The following KCNMA1 variants were observed in gnomAD, a reference collection of about 807,000 sequenced individuals.
KCNMA1 encodes the protein Calcium-activated potassium channel subunit alpha-1.
In KCNMA1, 29 loss-of-function variants were observed where a neutral mutation model predicts 140.0. The observed-to-expected ratio is 0.21, with a 90% CI of 0.15 to 0.28. KCNMA1 has a LOEUF of 0.28. KCNMA1 is among the 10% of genes least tolerant of loss of function. The pLI, the probability that KCNMA1 is intolerant of heterozygous loss-of-function variation, is 1.00. For synonymous variants in KCNMA1, 612 were observed against 611.9 expected (o/e 1.00, Z 0.00); for missense variants, 880 against 1,602.2 (o/e 0.55, Z 7.70).
At chr10:77,298,738 G>T (rs1274540465) in intron 2 of KCNMA1, among the ~76,000 whole-genome samples, 1 of 152,176 alleles carries the variant, frequency 6.6e-6, no homozygotes, top group Non-Finnish European at 1.5e-5. Flanking sequence ...ACACCAGCAA[G>T]TCCAGAGAGA....
chr10:77,593,467 A>G (rs915630500), intron 1 of KCNMA1, among the ~76,000 whole-genome samples: 1 of 152,272 alleles, frequency 6.6e-6, no homozygotes, highest in African/African-American at 2.4e-5. Context: ...TAGTAATGGT[A>G]GCAGTGATGA....
chr10:77,518,000 T>C (rs987791787), intron 1 of KCNMA1, among the ~76,000 whole-genome samples: 4 of 152,064 alleles, frequency 2.6e-5, no homozygotes, highest in Non-Finnish European at 4.4e-5. Context: ...CCAAGGAAAC[T>C]CTCCAGCAGC....
intron 3 of KCNMA1, among the ~76,000 whole-genome samples, chr10:77,240,753 C>G (rs1201575660): frequency 6.6e-6 from 1 of 152,220 alleles, no homozygotes; most frequent in East Asian, 1.9e-4. Context: ...GAAGCCACTT[C>G]AGGTGAGGCT....
chr10:77,047,588 CTTTT>C (rs11304136), intron 14 of KCNMA1, among the ~76,000 whole-genome samples: 3 of 137,402 alleles, frequency 2.2e-5, no homozygotes, highest in Admixed American at 7.3e-5. Context: ...GGAAACTGGT[CTTTT>C]TTTTTTTTTT....
intron 23 of KCNMA1, among the ~76,000 whole-genome samples, chr10:76,941,130 GA>G (rs1226376267): frequency 4.2e-5 from 3 of 70,888 alleles, no homozygotes; most frequent in African/African-American, 9.5e-5. Flanking sequence ...GAAGGGAAGG[GA>G]AGGGAAGGGA....
At chr10:77,314,660 T>C (rs973881936) in intron 2 of KCNMA1, among the ~76,000 whole-genome samples, 1 of 152,046 alleles carries the variant, frequency 6.6e-6, no homozygotes, top group East Asian at 1.9e-4. Flanking sequence ...GACCATCACA[T>C]TTGAGTCTGG....
chr10:77,210,080 T>A (rs926300629), intron 3 of KCNMA1, among the ~76,000 whole-genome samples: 1 of 152,154 alleles, frequency 6.6e-6, no homozygotes, highest in Non-Finnish European at 1.5e-5. Flanking sequence ...AGCATCATCT[T>A]TATACCAGAA....
At chr10:77,501,600 C>T (rs1041469819) in intron 1 of KCNMA1, among the ~76,000 whole-genome samples, 1 of 152,232 alleles carries the variant, frequency 6.6e-6, no homozygotes, top group Non-Finnish European at 1.5e-5. Context: ...ATCCCTGCCC[C>T]CCAGCCTGAT....
chr10:76,890,300 C>T (rs1246326664), intron 26 of KCNMA1, among the ~76,000 whole-genome samples: 2 of 152,144 alleles, frequency 1.3e-5, no homozygotes, highest in East Asian at 3.9e-4. Flanking sequence ...GTAGATGTTA[C>T]CTGTATTATA....
chr10:77,094,408 AC>A (rs1215858158), intron 9 of KCNMA1, among the ~76,000 whole-genome samples: 2 of 152,060 alleles, frequency 1.3e-5, no homozygotes, highest in African/African-American at 4.8e-5. Flanking sequence ...GCAGAAATGG[AC>A]CCACAGAGGT....
At chr10:77,259,525 A>G (rs1046873797) in intron 2 of KCNMA1, among the ~76,000 whole-genome samples, 7 of 152,124 alleles carry the variant, frequency 4.6e-5, no homozygotes, top group African/African-American at 1.7e-4. Context: ...AGAGTCCACA[A>G]GGCCCTGAAA....
chr10:77,491,608 C>T (rs1387954395), intron 1 of KCNMA1, among the ~76,000 whole-genome samples: 1 of 152,022 alleles, frequency 6.6e-6, no homozygotes, highest in African/African-American at 2.4e-5. Flanking sequence ...CTTGGGGTGA[C>T]TGGGTGAACA....
chr10:77,547,139 A>G (rs2061614681), intron 1 of KCNMA1, among the ~76,000 whole-genome samples: 1 of 152,196 alleles, frequency 6.6e-6, no homozygotes, highest in Non-Finnish European at 1.5e-5. Flanking sequence ...GAAAGATGCT[A>G]ATAGCAAGGG....
intron 21 of KCNMA1, among the ~76,000 whole-genome samples, chr10:76,951,307 C>T (rs1446629903): frequency 1.2e-4 from 19 of 152,094 alleles, no homozygotes; most frequent in Admixed American, 1.0e-3. Context: ...CTGATTTTGC[C>T]GGGTTTAAAG....
intron 1 of KCNMA1, among the ~76,000 whole-genome samples, chr10:77,506,366 A>G (rs1468557949): frequency 3.9e-5 from 6 of 152,126 alleles, no homozygotes; most frequent in African/African-American, 7.2e-5. Context: ...TCCTTTCAAG[A>G]TCATTCTAAT....
In KCNMA1 at chr10:76,920,756, G is replaced by A. The variant is rs960764584; in HGVS notation, c.2903-5707C>T. 1.4e-4 allele frequency among the ~76,000 whole-genome samples: 21 copies of A among 152,308 alleles called. No homozygotes were observed. In the East Asian group the frequency reaches 1.7e-3, roughly 13 times the overall value. Reference sequence around the variant, plus strand: ...ACTCCTGACACCTGCAGGCTGTGCCGCATCCCTGACTTGGGTGCTGGCCTT... The same window carrying A: ...ACTCCTGACACCTGCAGGCTGTGCCACATCCCTGACTTGGGTGCTGGCCTT... On this transcript the variant is annotated intron_variant, in intron 23 of 27. Transcript: ENST00000286628.
At chr10:77,564,261 T>C (rs948169561) in intron 1 of KCNMA1, among the ~76,000 whole-genome samples, 4 of 152,190 alleles carry the variant, frequency 2.6e-5, no homozygotes, top group African/African-American at 4.8e-5. Context: ...CTGAAGTGGC[T>C]CTCACCACGC....
chr10:76,949,220 A>G lies in KCNMA1; in HGVS notation c.2631T>C (p.Ile877=). 1 of 1,614,170 alleles carries G rather than the reference A, an allele frequency of 6.2e-7. No homozygotes were observed. The highest frequency in any genetic ancestry group is 8.5e-7 in the Non-Finnish European group (1 of 1,180,020). ...GGTACTCAATAGAGCCCACAAACACAATGTGCTTGAGCTCATGGTAATGAA... is the reference window on the plus strand; with the variant it reads ...GGTACTCAATAGAGCCCACAAACACGATGTGCTTGAGCTCATGGTAATGAA... ...SNFHYHELKH[I]VFVGSIEYLK... is the part of the protein sequence containing the mutation. The change falls in exon 22 of 28, where the codon ATT becomes ATC. Residue 877 remains isoleucine, a synonymous_variant. Coordinates refer to ENST00000286628, the MANE Select transcript of KCNMA1 (RefSeq NM_001161352.2).
chr10:77,230,974 T>C (rs1184827007), intron 3 of KCNMA1, among the ~76,000 whole-genome samples: 1 of 152,178 alleles, frequency 6.6e-6, no homozygotes, highest in African/African-American at 2.4e-5. Flanking sequence ...TTTCCAGAGC[T>C]TGCTCATTAC....
Sources: allele counts gnomAD v4.1 joint callset (sites outside exome capture counted in the v4.1 genomes callset), GRCh38; gene constraint gnomAD v4.1.1; transcripts MANE v1.5; gene names NCBI Gene and HGNC (gene_info 2026-07-23, HGNC 2026-07-21).